Variants in MYH14 observed in about 807,000 individuals in gnomAD.
The protein encoded by MYH14 is myosin heavy chain 14, also known as myosin-14.
In MYH14, 123 loss-of-function variants were observed where a neutral mutation model predicts 255.5. The ratio of observed to expected loss-of-function variants is 0.48; its 90% confidence interval spans 0.42 to 0.56. MYH14 has a LOEUF of 0.56. Among genes scored for constraint, MYH14 ranks in the 20% least tolerant of loss-of-function variants. The pLI is 0.00. For synonymous variants in MYH14, 1,095 were observed against 1,161.2 expected (o/e 0.94, Z 1.16); for missense variants, 2,423 against 2,802.3 (o/e 0.86, Z 3.06).
In MYH14 at chr19:50,280,264, G is replaced by A. The variant is rs2035667985; in HGVS notation, c.4171G>A (p.Ala1391Thr). ...GCAGGAGGAGACCAGGGCGAAATTG[G>A]CCTTGGGGTCCCGGGTGCGAGCCAT... is the stretch of plus-strand genomic sequence containing the variant. ...LLQEETRAKL[A>T]LGSRVRAMEA... The change falls in exon 32 of 43, where the codon GCC becomes ACC. Residue 1391 changes from alanine (A) to threonine (T), a missense_variant. This residue lies in a region of MYH14 where 1,513 missense variants were observed against 1,674.8 expected (regional missense o/e 0.90). Coordinates refer to ENST00000642316, the MANE Select transcript of MYH14 (RefSeq NM_001145809.2). This position sits in a 1 kb window ranked among gnomAD's most constrained non-coding sequence, Gnocchi z 4.8. 2.6e-6 allele frequency: 4 copies of A among 1,551,698 alleles called. No homozygotes were observed. The South Asian group carries it at 4.8e-5, about 18-fold the overall frequency.
intron 1 of MYH14, among the ~76,000 whole-genome samples, chr19:50,207,271 CAGAG>C (rs764396652): frequency 0.012 from 896 of 76,802 alleles, 22 homozygotes; most frequent in East Asian, 0.036. Context: ...GAGAGAGAGA[CAGAG>C]AGAGAGAGAG....
At chr19:50,249,230 C>G in intron 13 of MYH14, 91 bp downstream of exon 13, 2 of 1,379,340 alleles carry the variant, frequency 1.4e-6, no homozygotes, top group East Asian at 2.5e-5. Flanking sequence ...TCTCCCTGGT[C>G]TCTGTCCCCC....
rs55762838 is a variant in MYH14, at chr19:50,223,922, A to G, written c.694-232A>G. Among the ~76,000 whole-genome samples, 35,816 of 152,086 alleles carry G rather than the reference A, an allele frequency of 0.24. 4,941 individuals are homozygous for G. Among genetic ancestry groups the G allele is most frequent in the South Asian group, 0.39 (1,876 of 4,822 alleles). On this transcript the variant is annotated intron_variant, in intron 5 of 42. Transcript: ENST00000642316. ...CAGGAATTCAAGACCAGCCTGGGTA[A>G]TATAGTGGGACCCCATCGCTACAAA...
chr19:50,306,335 C>T (rs2036653667), intron 40 of MYH14, among the ~76,000 whole-genome samples: 1 of 152,170 alleles, frequency 6.6e-6, no homozygotes, highest in South Asian at 2.1e-4. Flanking sequence ...TGCCTTCCCA[C>T]TCGCCCCCAG....
chr19:50,204,973 G>A (rs922428855), intron 1 of MYH14, among the ~76,000 whole-genome samples: 6 of 151,804 alleles, frequency 4.0e-5, no homozygotes, highest in Non-Finnish European at 8.8e-5. Context: ...ACACATAGTA[G>A]GTACTCTTAT....
At chr19:50,261,987 T>C (rs1425949969) in intron 21 of MYH14, among the ~76,000 whole-genome samples, 1 of 152,098 alleles carries the variant, frequency 6.6e-6, no homozygotes, top group Non-Finnish European at 1.5e-5. Flanking sequence ...CCCTGGCCAG[T>C]CCCTCGAGGG....
rs1210061187 is a variant in MYH14, at chr19:50,290,956, A to C, written c.5035A>C (p.Lys1679Gln). The change falls in exon 36 of 43, where the codon AAG becomes CAG. Residue 1679 changes from lysine to glutamine, a missense_variant. By Grantham distance (53) the Lys-to-Gln change is moderately conservative. Transcript: ENST00000642316. ...QRTLAVAARK[K>Q]LEGELEELKA... ...CACTCTGGCCGTGGCTGCCCGCAAG[A>C]AGCTGGAGGGAGAGCTGGAGGAGCT... 6.2e-7 allele frequency: 1 copy of C among 1,602,796 alleles called. No individual in the cohort carries two copies.
Position 50,252,881 on chromosome 19 carries a change from C to A in MYH14, c.1945+128C>A. The A allele has an allele frequency of 1.6e-6, 1 of 614,770 alleles. No individual in the cohort carries two copies. Among genetic ancestry groups the A allele is most frequent in the South Asian group, 2.0e-5 (1 of 49,752 alleles). The allele number at this position is 614,770 out of a possible 1,614,324, so 38.1% of individuals were successfully genotyped here. A position where few individuals can be genotyped will look rare whatever the true frequency, so the allele number is the denominator to read the frequency against. ...AGTTTTCTGCTCAGACCCAGAATAG[C>A]CAGTGTCACAAATAGTATTTCAAAT... On this transcript the variant is annotated intron_variant, in intron 16 of 42. Coordinates refer to ENST00000642316, the MANE Select transcript of MYH14 (RefSeq NM_001145809.2). The surrounding 1 kb of genome is among the most constrained non-coding windows in gnomAD (Gnocchi z 4.2).
chr19:50,257,219 T>G, intron 17 of MYH14, 80 bp from the exon 18 acceptor site: 1 of 1,200,238 alleles, frequency 8.3e-7, no homozygotes, highest in Non-Finnish European at 1.1e-6. Flanking sequence ...TGATAAATGA[T>G]AAGACCCTTG....
chr19:50,207,313 G>GAGAGAGAGAGAGAGAGAC (rs2031859554), intron 1 of MYH14, among the ~76,000 whole-genome samples: 1 of 148,998 alleles, frequency 6.7e-6, no homozygotes, highest in Non-Finnish European at 1.5e-5. Flanking sequence ...GAGAGAGAGA[G>GAGAGAGAGAGAGAGAGAC]ACTAGGGGCA....
rs775505907 is a variant in MYH14 at position 50,286,713 on chromosome 19, C to T, written c.4752+19C>T. Reference sequence around the variant, plus strand: ...CAAGAGCGTGAGCAGGGCCCCCGCTCCCCGGGACACACTGGGTGAGGGGAG... The same window carrying T: ...CAAGAGCGTGAGCAGGGCCCCCGCTTCCCGGGACACACTGGGTGAGGGGAG... On this transcript the variant is annotated intron_variant, in intron 34 of 42. Transcript: ENST00000642316. 3.9e-6 allele frequency: 6 copies of T among 1,554,500 alleles called. No homozygotes were observed. The highest frequency in any genetic ancestry group is 5.2e-6 in the Non-Finnish European group (6 of 1,149,400).
At position 50,278,226 on chromosome 19, in the gene MYH14, G is replaced by C. The variant is rs1481320721; in HGVS notation, c.3969G>C (p.Gln1323His). The change falls in exon 30 of 43, where the codon CAG (glutamine) becomes CAC (histidine). Residue 1323 changes from glutamine to histidine, a missense_variant. This residue lies in a region of MYH14 where 1,513 missense variants were observed against 1,674.8 expected (regional missense o/e 0.90). Coordinates refer to ENST00000642316, the MANE Select transcript of MYH14 (RefSeq NM_001145809.2). ...RRLELQLQEV[Q>H]GRAGDGERAR... The stretch of plus-strand genomic sequence containing the variant: ...TGGAGTTACAGCTGCAGGAGGTGCA[G>C]GGCCGGGCTGGTGATGGGGAGAGGG... 2 of 1,601,598 alleles carry C rather than the reference G, an allele frequency of 1.2e-6. No individual in the cohort carries two copies. Among genetic ancestry groups the C allele is most frequent in the Non-Finnish European group, 1.7e-6 (2 of 1,175,038 alleles).
At chr19:50,284,116 AG>A (rs2123430725) in intron 33 of MYH14, among the ~76,000 whole-genome samples, 1 of 152,254 alleles carries the variant, frequency 6.6e-6, no homozygotes, top group Admixed American at 6.5e-5. Flanking sequence ...AAAAAAAGAA[AG>A]AAGTTATTTA....
intron 2 of MYH14, among the ~76,000 whole-genome samples, chr19:50,215,636 A>C (rs2123176068): frequency 6.6e-6 from 1 of 152,262 alleles, no homozygotes; most frequent in East Asian, 1.9e-4. Flanking sequence ...ACATAGTGAG[A>C]CCTGATCTCT....
At chr19:50,273,601 G>GGTGTGTGTGTGTGTGTGT (rs56095197) in intron 27 of MYH14, among the ~76,000 whole-genome samples, 2 of 137,578 alleles carry the variant, frequency 1.5e-5, no homozygotes, top group African/African-American at 5.4e-5. Context: ...GAACATGGGG[G>GGTGTGTGTGTGTGTGTGT]GTGTGTGTGT....
intron 15 of MYH14, among the ~76,000 whole-genome samples, chr19:50,251,549 C>T (rs185058933): frequency 0.073 from 10,471 of 143,524 alleles, 532 homozygotes; most frequent in Admixed American, 0.13. Context: ...CACACACACA[C>T]ACACACACAC....
chr19:50,236,034 T>TAAAA (rs34909309), intron 10 of MYH14, among the ~76,000 whole-genome samples: 4 of 149,804 alleles, frequency 2.7e-5, no homozygotes, highest in Admixed American at 6.7e-5. Context: ...TTGGAACAAT[T>TAAAA]AAAAAAAAAA....
At chr19:50,294,751 A>C (rs1005918946) in intron 39 of MYH14, among the ~76,000 whole-genome samples, 2 of 151,878 alleles carry the variant, frequency 1.3e-5, no homozygotes, top group African/African-American at 4.8e-5. Flanking sequence ...AAAAAAGGTA[A>C]TAATTATATG....
At chr19:50,301,303 C>G (rs959019436) in intron 39 of MYH14, among the ~76,000 whole-genome samples, 3 of 152,070 alleles carry the variant, frequency 2.0e-5, no homozygotes, top group Non-Finnish European at 2.9e-5. Context: ...TTCCCAAGCT[C>G]CCCCAGATGA....
Sources: gnomAD v4.1 joint callset for allele counts (sites outside exome capture counted in the v4.1 genomes callset) on GRCh38, gnomAD v4.1.1 for gene constraint, gnomAD v4.1.1 regional missense constraint, Gnocchi (gnomAD v3.1) non-coding constraint, MANE v1.5 for transcripts, NCBI Gene and HGNC (gene_info 2026-07-23, HGNC 2026-07-21) for gene names.